The following EPB41L1 variants were observed in gnomAD, a reference collection of about 807,000 sequenced individuals.
EPB41L1 encodes the protein band 4.1-like protein 1.
A neutral mutation model predicts 97.8 loss-of-function variants in EPB41L1; 29 were observed. That is an observed-to-expected ratio of 0.30 (90% CI 0.22 to 0.40). The LOEUF is 0.40. Ranked by LOEUF, EPB41L1 falls within the 10% of genes least tolerant of loss-of-function variation. EPB41L1 has a pLI of 1.00. For synonymous variants in EPB41L1, 383 were observed against 459.2 expected (o/e 0.83, Z 2.12); for missense variants, 812 against 1,162.3 (o/e 0.70, Z 4.38).
upstream of EPB41L1, among the ~76,000 whole-genome samples, chr20:36,154,318 C>A (rs755498794): frequency 2.0e-5 from 3 of 152,162 alleles, no homozygotes; most frequent in Non-Finnish European, 4.4e-5. This position sits in a 1 kb window ranked among gnomAD's most constrained non-coding sequence, Gnocchi z 5.5. Flanking sequence ...TCTCCTCCCC[C>A]TCCCTTTCTC....
intron 2 of EPB41L1, among the ~76,000 whole-genome samples, chr20:36,133,644 C>G (rs1206800856): frequency 6.6e-6 from 1 of 152,192 alleles, no homozygotes; most frequent in Non-Finnish European, 1.5e-5. Flanking sequence ...ATAGCTTGAG[C>G]TCACGAGTTT....
chr20:36,194,963 T>C (rs1022533999), intron 12 of EPB41L1, among the ~76,000 whole-genome samples: 1 of 152,096 alleles, frequency 6.6e-6, no homozygotes, highest in Admixed American at 6.5e-5. Context: ...AGGGAGAGCT[T>C]CCTCTTGGTA....
At chr20:36,198,160 TG>T in intron 14 of EPB41L1, 119 bp downstream of exon 14, 1 of 930,036 alleles carries the variant, frequency 1.1e-6, no homozygotes, top group East Asian at 2.6e-5. Context: ...GCTTAGGGGC[TG>T]GTGGGGATGG....
intron 13 of EPB41L1, among the ~76,000 whole-genome samples, chr20:36,197,215 G>T (rs79274213): frequency 0.027 from 4,160 of 152,326 alleles, 82 homozygotes; most frequent in South Asian, 0.066. Context: ...CCCTAGTGTG[G>T]GAGCTTGGCC....
At position 36,209,555 on chromosome 20, in the gene EPB41L1, A is replaced by T. The variant is rs1354367651; in HGVS notation, c.1736A>T (p.Asp579Val). ...CCACGTCCCCGGGCCCCAGAGAGTG[A>T]CACAGGCGATGAGGACCAGGACCAG... ...KPPRPRAPES[D>V]TGDEDQDQER... Residue 579 changes from aspartate to valine, a missense_variant, in exon 15 of 22, where the codon GAC becomes GTC. Physicochemically the swap from Asp to Val is radical, Grantham distance 152. This residue lies in a region of EPB41L1 where 498 missense variants were observed against 622.7 expected (regional missense o/e 0.80). Transcript: ENST00000338074. The surrounding 1 kb of genome is among the most constrained non-coding windows in gnomAD (Gnocchi z 4.2). 3 of 1,614,092 alleles carry T rather than the reference A, an allele frequency of 1.9e-6. No homozygotes were observed. In the Admixed American group the frequency reaches 5.0e-5, roughly 27 times the overall value.
intron 11 of EPB41L1, among the ~76,000 whole-genome samples, chr20:36,193,710 C>G (rs964951351): frequency 5.9e-5 from 9 of 152,218 alleles, no homozygotes; most frequent in Non-Finnish European, 1.2e-4. Context: ...TAAAGCTAGT[C>G]TCACAATATT....
chr20:36,136,274 G>A (rs556315839), intron 2 of EPB41L1, among the ~76,000 whole-genome samples: 31 of 151,250 alleles, frequency 2.0e-4, no homozygotes, highest in African/African-American at 7.0e-4. Context: ...AAGCTCAAGC[G>A]ATCCTCCCGC....
At position 36,221,863 on chromosome 20, in the gene EPB41L1, G is replaced by A; in HGVS notation, c.2440-1G>A. Reference sequence around the variant, plus strand: ...GACCTCACCTCCCTCTCCCTCTGCAGACTGTGAAAGGAGGGTTTTCTGAGA... The same window carrying A: ...GACCTCACCTCCCTCTCCCTCTGCAAACTGTGAAAGGAGGGTTTTCTGAGA... On this transcript the variant is annotated splice_acceptor_variant, in intron 19 of 21. Transcript: ENST00000338074. LOFTEE classifies it high-confidence loss of function. The A allele has an allele frequency of 6.2e-7, 1 of 1,614,166 alleles. No homozygotes were observed. Among genetic ancestry groups the A allele is most frequent in the South Asian group, 1.1e-5 (1 of 91,088 alleles).
chr20:36,214,535 G>T, intron 17 of EPB41L1, 95 bp downstream of exon 17: 1 of 1,008,050 alleles, frequency 9.9e-7, no homozygotes, highest in Non-Finnish European at 1.5e-6. Flanking sequence ...GCTTCAGGAA[G>T]TTGTGAGCTG....
chr20:36,211,356 G>C (rs1047639675), intron 15 of EPB41L1, among the ~76,000 whole-genome samples: 1 of 152,122 alleles, frequency 6.6e-6, no homozygotes, highest in Non-Finnish European at 1.5e-5. Flanking sequence ...ACTCCAGCCT[G>C]GGCAACGGAA....
At chr20:36,107,489 G>A (rs1345349867) in intron 1 of EPB41L1, among the ~76,000 whole-genome samples, 1 of 149,764 alleles carries the variant, frequency 6.7e-6, no homozygotes, top group Non-Finnish European at 1.5e-5. Flanking sequence ...AAAGTGCTGG[G>A]ATTACAGGTG....
At chr20:36,145,161 C>T (rs371610194) in intron 2 of EPB41L1, among the ~76,000 whole-genome samples, 11 of 151,842 alleles carry the variant, frequency 7.2e-5, no homozygotes, top group Non-Finnish European at 1.0e-4. Flanking sequence ...AGGCTGGGTG[C>T]GGTGGATCAC....
intron 21 of EPB41L1, 43 bp downstream of exon 21, chr20:36,222,437 G>C: frequency 6.7e-7 from 1 of 1,487,108 alleles, no homozygotes; most frequent in Non-Finnish European, 9.4e-7. Context: ...AGAGGAGGGA[G>C]CAGTAGCAAG....
rs1346104001 is a variant in EPB41L1, at chr20:36,182,355, C to A, written c.566+8C>A. The A allele has an allele frequency of 6.2e-7, 1 of 1,613,920 alleles. No homozygotes were observed. Among genetic ancestry groups the A allele is most frequent in the South Asian group, 1.1e-5 (1 of 91,082 alleles). On this transcript the variant is annotated splice_region_variant and intron_variant, in intron 6 of 21. Coordinates refer to ENST00000338074, the MANE Select transcript of EPB41L1 (RefSeq NM_012156.2). ...GACAGAAGACATCACAAGGTGAGGG[C>A]TGTGGAGGGAGAGACAGGTGTGCTG...
In EPB41L1 at chr20:36,101,488, C is replaced by CA. The variant is rs753335215; in HGVS notation, c.-65+9877dup. ...CACCTGCCTGCCTGAGCAGGTGGCT[C>CA]AGTCAGAAGGGACCTTGGTGAAGGA... On this transcript the variant is annotated intron_variant, in intron 1 of 19. Transcript: ENST00000202028. Among the ~76,000 whole-genome samples, 126 of 152,072 alleles carry CA rather than the reference C, an allele frequency of 8.3e-4. 4 individuals are homozygous for CA. Among genetic ancestry groups the CA allele is most frequent in the Admixed American group, 1.1e-3 (17 of 15,276 alleles).
At position 36,206,855 on chromosome 20, in the gene EPB41L1, C is replaced by G. The variant is rs977298366; in HGVS notation, c.1669-2633C>G. 1 of 1,289,770 alleles carries G rather than the reference C, an allele frequency of 7.8e-7. No homozygotes were observed. Among genetic ancestry groups the G allele is most frequent in the African/African-American group, 1.5e-5 (1 of 65,850 alleles). 79.9% of individuals were successfully genotyped at this position (1,289,770 alleles called of 1,614,324 possible). A position where few individuals can be genotyped will look rare whatever the true frequency, so the allele number is the denominator to read the frequency against. ...TTGCTGGGAAAGGCTGAGGAAAGTC[C>G]CACAGAGGAACTGAAGAAGCACCCT... On this transcript the variant is annotated intron_variant, in intron 14 of 21. Coordinates refer to ENST00000338074, the MANE Select transcript of EPB41L1 (RefSeq NM_012156.2). This position sits in a 1 kb window ranked among gnomAD's most constrained non-coding sequence, Gnocchi z 5.5.
intron 1 of EPB41L1, among the ~76,000 whole-genome samples, chr20:36,107,189 A>G (rs1330157670): frequency 6.6e-6 from 1 of 151,108 alleles, no homozygotes; most frequent in Non-Finnish European, 1.5e-5. Flanking sequence ...GCGTGTTTGG[A>G]AACTTAGATT....
At chr20:36,114,541 A>T (rs2058524328) in intron 2 of EPB41L1, among the ~76,000 whole-genome samples, 1 of 152,130 alleles carries the variant, frequency 6.6e-6, no homozygotes, top group South Asian at 2.1e-4. Flanking sequence ...GGGTCTATAC[A>T]ATTGGGCATG....
intron 1 of EPB41L1, among the ~76,000 whole-genome samples, chr20:36,104,730 C>T (rs2058134875): frequency 6.6e-6 from 1 of 152,132 alleles, no homozygotes. Context: ...GTCAGAATCT[C>T]TATATGTCAG....
Sources: gnomAD v4.1 joint callset for allele counts (sites outside exome capture counted in the v4.1 genomes callset) on GRCh38, gnomAD v4.1.1 for gene constraint, gnomAD v4.1.1 regional missense constraint, Gnocchi (gnomAD v3.1) non-coding constraint, MANE v1.5 for transcripts, NCBI Gene and HGNC (gene_info 2026-07-23, HGNC 2026-07-21) for gene names.